The following ZCCHC14 variants were observed in gnomAD, a reference collection of about 807,000 sequenced individuals.
The protein encoded by ZCCHC14 is zinc finger CCHC-type containing 14.
ZCCHC14 carries 16 observed loss-of-function variants against 85.0 expected under a neutral mutation model. The observed-to-expected ratio is 0.19, with a 90% CI of 0.13 to 0.29. The LOEUF is 0.29. ZCCHC14 is among the 10% of genes least tolerant of loss of function. The pLI is 1.00. For missense variants in ZCCHC14, 1,303 were observed against 1,443.5 expected, an observed-to-expected ratio of 0.90 and a Z score of 1.58; for synonymous variants, 775 against 630.7, an observed-to-expected ratio of 1.23 and a Z score of -3.43.
Position 87,411,786 on chromosome 16 carries a change from C to T in ZCCHC14, c.2935G>A (p.Gly979Ser), listed in dbSNP as rs149566632. The change falls in exon 12 of 13, where the codon GGC becomes AGC. Residue 979 changes from glycine (G) to serine (S), a missense_variant. Coordinates refer to ENST00000671377, the MANE Select transcript of ZCCHC14 (RefSeq NM_015144.3). ...SSGYVSAQQY[G>S]GGSTFPVVHA... The stretch of plus-strand genomic sequence containing the variant: ...ACGACGGGGAAGGTGGAGCCGCCGC[C>T]GTACTGCTGGGCGCTGACGTAGCCG... 240 of 1,611,388 alleles carry T rather than the reference C, an allele frequency of 1.5e-4. 1 individual carries two copies. The highest frequency in any genetic ancestry group is 1.9e-4 in the Non-Finnish European group (229 of 1,178,726).
At position 87,413,155 on chromosome 16, in the gene ZCCHC14, G is replaced by A. The variant is rs1443021474; in HGVS notation, c.1644C>T (p.Pro548=). Residue 548 remains proline, a synonymous_variant, in exon 11 of 13, where the codon CCC becomes CCT. Transcript: ENST00000671377. The part of the protein sequence containing the change: ...VEVEQPHHQL[P]REGSSSEYSS... ...AGTACTCCGAGGAACTGCCTTCCCGGGGCAGCTGGTGATGGGGCTGCTCCA... is the reference window on the plus strand; with the variant it reads ...AGTACTCCGAGGAACTGCCTTCCCGAGGCAGCTGGTGATGGGGCTGCTCCA... The A allele has an allele frequency of 5.0e-6, 8 of 1,602,948 alleles. No homozygotes were observed. The highest frequency in any genetic ancestry group is 6.8e-6 in the Non-Finnish European group (8 of 1,175,096).
Position 87,486,516 on chromosome 16 carries a change from CACA to C in ZCCHC14, c.570+5150_570+5152del, listed in dbSNP as rs572488540. 4.9e-3 allele frequency among the ~76,000 whole-genome samples: 740 copies of C among 152,314 alleles called. 5 individuals are homozygous for C. Among genetic ancestry groups the C allele is most frequent in the African/African-American group, 0.016 (671 of 41,568 alleles). ...GTGCAAGTGCACTCTGCGGTGCTCA[CACA>C]ACAAGATCAGCTGAGGACGCTTTTC... On this transcript the variant is annotated intron_variant, in intron 1 of 12. Transcript: ENST00000671377.
intron 1 of ZCCHC14, among the ~76,000 whole-genome samples, chr16:87,469,075 T>C (rs34793696): frequency 0.2 from 31,016 of 152,130 alleles, 3,953 homozygotes; most frequent in South Asian, 0.58. Flanking sequence ...GAACAAAAAG[T>C]ACTAGCATTT....
At chr16:87,467,015 G>C in intron 1 of ZCCHC14, 1 of 416,160 alleles carries the variant, frequency 2.4e-6, no homozygotes, top group Non-Finnish European at 4.3e-6. Flanking sequence ...CACTTTGGAG[G>C]TCACGTGTTT....
chr16:87,455,285 TC>T (rs879343619), intron 2 of ZCCHC14, among the ~76,000 whole-genome samples: 13 of 146,390 alleles, frequency 8.9e-5, no homozygotes, highest in African/African-American at 3.3e-4. Context: ...TGAAACTCCG[TC>T]CCCCCCCGCC....
chr16:87,428,363 G>A (rs9646303), intron 3 of ZCCHC14, among the ~76,000 whole-genome samples: 127,408 of 152,174 alleles, frequency 0.84, 53,807 homozygotes, highest in Non-Finnish European at 0.87. Context: ...CCATACTGTC[G>A]GCAACAGACT....
At chr16:87,487,662 A>T (rs371257956) in intron 1 of ZCCHC14, among the ~76,000 whole-genome samples, 9 of 152,392 alleles carry the variant, frequency 5.9e-5, no homozygotes, top group African/African-American at 2.2e-4. Flanking sequence ...GGCACAGTGC[A>T]CGGGGGTGAA....
At chr16:87,445,610 CT>C (rs1397343536) in intron 2 of ZCCHC14, among the ~76,000 whole-genome samples, 1 of 152,110 alleles carries the variant, frequency 6.6e-6, no homozygotes, top group East Asian at 1.9e-4. Flanking sequence ...TCAGATGTTC[CT>C]TTGAAGTTTC....
In ZCCHC14 at chr16:87,434,197, A is replaced by G. The variant is rs556126274; in HGVS notation, c.695-996T>C. On this transcript the variant is annotated intron_variant, in intron 2 of 12. Coordinates refer to ENST00000671377, the MANE Select transcript of ZCCHC14 (RefSeq NM_015144.3). ...TTTCTCATCAAAAATAAGATGATAC[A>G]ATTAGGTTTTAAGCACTATTTTTAA... Among the ~76,000 whole-genome samples the G allele has an allele frequency of 3.9e-4, 59 of 152,314 alleles. 1 individual carries two copies. In the South Asian group the frequency reaches 0.012, roughly 30 times the overall value.
chr16:87,423,990 G>A (rs1909238877), intron 3 of ZCCHC14, 109 bp from the exon 4 acceptor site: 1 of 1,165,626 alleles, frequency 8.6e-7, no homozygotes, highest in African/African-American at 1.5e-5. Flanking sequence ...GCTGAGCCCA[G>A]TGGGCCGTGC....
intron 1 of ZCCHC14, among the ~76,000 whole-genome samples, chr16:87,461,117 T>A (rs1157273674): frequency 6.6e-6 from 1 of 152,204 alleles, no homozygotes; most frequent in East Asian, 1.9e-4. Context: ...GCCCCCAAGC[T>A]GTGGGTGGGG....
chr16:87,437,373 G>C (rs547504028), intron 2 of ZCCHC14, among the ~76,000 whole-genome samples: 3 of 145,588 alleles, frequency 2.1e-5, no homozygotes, highest in African/African-American at 7.6e-5. Flanking sequence ...AAATTCAGGG[G>C]CAAACATCAC....
chr16:87,456,533 C>A (rs796298580), intron 2 of ZCCHC14, among the ~76,000 whole-genome samples: 1,078 of 63,408 alleles, frequency 0.017, 32 homozygotes, highest in African/African-American at 0.062. Flanking sequence ...ACTCTGTCTC[C>A]AAAAAAAAAA....
chr16:87,439,661 T>G (rs1320728806), intron 2 of ZCCHC14, among the ~76,000 whole-genome samples: 3 of 152,224 alleles, frequency 2.0e-5, no homozygotes, highest in Non-Finnish European at 2.9e-5. Context: ...CCAAAAGATG[T>G]AGGTATAACT....
chr16:87,433,548 G>C (rs1011901255), intron 2 of ZCCHC14, among the ~76,000 whole-genome samples: 1 of 152,190 alleles, frequency 6.6e-6, no homozygotes, highest in Non-Finnish European at 1.5e-5. Context: ...CCTCAAAACC[G>C]TTACGAATCT....
intron 1 of ZCCHC14, among the ~76,000 whole-genome samples, chr16:87,485,363 C>T (rs1912468376): frequency 1.3e-5 from 2 of 152,088 alleles, no homozygotes; most frequent in South Asian, 4.1e-4. Flanking sequence ...TCTCTTTTTA[C>T]CTTTGACAGG....
intron 1 of ZCCHC14, among the ~76,000 whole-genome samples, chr16:87,461,808 C>A (rs1446204379): frequency 6.6e-6 from 1 of 152,224 alleles, no homozygotes; most frequent in African/African-American, 2.4e-5. Flanking sequence ...AAGTCCATAG[C>A]GAGATCCTCT....
chr16:87,461,638 C>T (rs1167580494), intron 1 of ZCCHC14, among the ~76,000 whole-genome samples: 1 of 152,200 alleles, frequency 6.6e-6, no homozygotes, highest in Non-Finnish European at 1.5e-5. Context: ...CCAGCACTCG[C>T]TCTGCAGAGG....
At chr16:87,415,402 G>A (rs1260220718) in intron 8 of ZCCHC14, 35 bp from the exon 9 acceptor site, 1 of 1,573,316 alleles carries the variant, frequency 6.4e-7, no homozygotes, top group African/African-American at 1.4e-5. Flanking sequence ...AAGTTACGGA[G>A]ACATAAGTAG....
Sources: allele counts gnomAD v4.1 joint callset (sites outside exome capture counted in the v4.1 genomes callset), GRCh38; gene constraint gnomAD v4.1.1; transcripts MANE v1.5; gene names NCBI Gene and HGNC (gene_info 2026-07-23, HGNC 2026-07-21).